The following NELL1 variants were observed in gnomAD, a reference collection of about 807,000 sequenced individuals.
NELL1 encodes protein kinase C-binding protein NELL1.
In NELL1, 76 loss-of-function variants were observed where a neutral mutation model predicts 107.4. The ratio of observed to expected loss-of-function variants is 0.71; its 90% CI spans 0.59 to 0.86. NELL1 has a LOEUF of 0.86. Ranked by LOEUF, NELL1 falls within the 40% of genes least tolerant of loss-of-function variation. The pLI, the probability that NELL1 is intolerant of heterozygous loss-of-function variation, is 0.00. For missense variants in NELL1, 1,024 were observed against 1,005.5 expected, an observed-to-expected ratio of 1.02 and a Z score of -0.25; for synonymous variants, 353 against 341.2, an observed-to-expected ratio of 1.03 and a Z score of -0.38.
chr11:21,489,898 A>T (rs940675737), intron 15 of NELL1, among the ~76,000 whole-genome samples: 1 of 152,166 alleles, frequency 6.6e-6, no homozygotes, highest in Non-Finnish European at 1.5e-5. Flanking sequence ...CAAGACAAAG[A>T]TGCCCACTTA....
chr11:21,164,974 C>T (rs77327109), intron 13 of NELL1, among the ~76,000 whole-genome samples: 1,733 of 152,272 alleles, frequency 0.011, 26 homozygotes, highest in African/African-American at 0.038. Flanking sequence ...CATTCCTTCT[C>T]ATAGAGACTT....
chr11:20,689,084 GTGTT>G (rs1854383279), intron 2 of NELL1, among the ~76,000 whole-genome samples: 5 of 151,952 alleles, frequency 3.3e-5, no homozygotes, highest in South Asian at 4.2e-4. Context: ...CTTTTGAAAA[GTGTT>G]TGTTCATGTC....
chr11:21,515,403 T>C (rs1183435657), intron 15 of NELL1, among the ~76,000 whole-genome samples: 2 of 152,158 alleles, frequency 1.3e-5, no homozygotes, highest in African/African-American at 4.8e-5. Context: ...CACTGCAACA[T>C]GTTTAACTAA....
At chr11:21,149,053 T>C (rs1254191394) in intron 13 of NELL1, among the ~76,000 whole-genome samples, 1 of 152,192 alleles carries the variant, frequency 6.6e-6, no homozygotes, top group Non-Finnish European at 1.5e-5. Flanking sequence ...TTTGTTGCAG[T>C]TCTGGTCTTT....
intron 4 of NELL1, among the ~76,000 whole-genome samples, chr11:20,859,120 C>A (rs548357288): frequency 1.3e-5 from 2 of 152,246 alleles, no homozygotes; most frequent in East Asian, 3.9e-4. Flanking sequence ...CTGAAGTGAC[C>A]AAAGTCTCAA....
chr11:21,453,811 T>A (rs954858542), intron 15 of NELL1, among the ~76,000 whole-genome samples: 2 of 150,626 alleles, frequency 1.3e-5, no homozygotes, highest in African/African-American at 4.9e-5. Context: ...TCTTTCCCTT[T>A]TTTTTTTTTT....
chr11:21,534,348 T>C, intron 15 of NELL1, 26 bp from the exon 16 acceptor site: 4 of 1,613,394 alleles, frequency 2.5e-6, no homozygotes, highest in Non-Finnish European at 3.4e-6. Flanking sequence ...AATATCCTGG[T>C]GGGCTTGTGT....
At chr11:20,891,387 G>A (rs1849614086) in intron 5 of NELL1, among the ~76,000 whole-genome samples, 2 of 152,166 alleles carry the variant, frequency 1.3e-5, no homozygotes, top group African/African-American at 2.4e-5. Context: ...AGGAAAAACT[G>A]GTACCAGCCA....
chr11:21,367,502 C>T (rs928363215), intron 14 of NELL1, among the ~76,000 whole-genome samples: 13 of 152,014 alleles, frequency 8.6e-5, no homozygotes, highest in Admixed American at 7.9e-4. Flanking sequence ...GAATAAGCTC[C>T]GTGGCACAGG....
At chr11:21,034,418 T>C (rs1261707687) in intron 12 of NELL1, among the ~76,000 whole-genome samples, 1 of 152,296 alleles carries the variant, frequency 6.6e-6, no homozygotes, top group African/African-American at 2.4e-5. Flanking sequence ...ACCACAGAAC[T>C]CTCTACCCAA....
intron 13 of NELL1, among the ~76,000 whole-genome samples, chr11:21,167,540 T>C (rs11025954): frequency 0.43 from 65,821 of 151,564 alleles, 14,807 homozygotes; most frequent in East Asian, 0.61. Flanking sequence ...TTACTTTAGA[T>C]ACTGCAGTTC....
chr11:20,975,548 A>C (rs1043122658), intron 12 of NELL1, among the ~76,000 whole-genome samples: 2 of 143,816 alleles, frequency 1.4e-5, no homozygotes, highest in African/African-American at 2.5e-5. Flanking sequence ...TGTATTATAT[A>C]TACATATATG....
rs531532245 is a variant in NELL1 at position 20,759,793 on chromosome 11, C to T, written c.185-23887C>T. Among the ~76,000 whole-genome samples, 4 of 152,288 alleles carry T rather than the reference C, an allele frequency of 2.6e-5. No homozygotes were observed. In the South Asian group the frequency reaches 8.3e-4, roughly 32 times the overall value. ...ATACTGTTGGAGACAGAGGTGTCCTCCCCACTTTGACCAGAATCCAGCCCT... is the reference window on the plus strand; with the variant it reads ...ATACTGTTGGAGACAGAGGTGTCCTTCCCACTTTGACCAGAATCCAGCCCT... On this transcript the variant is annotated intron_variant, in intron 2 of 19. Coordinates refer to ENST00000357134, the MANE Select transcript of NELL1 (RefSeq NM_006157.5).
At chr11:21,373,635 G>T (rs1289071911) in intron 15 of NELL1, among the ~76,000 whole-genome samples, 1 of 152,032 alleles carries the variant, frequency 6.6e-6, no homozygotes, top group Non-Finnish European at 1.5e-5. Flanking sequence ...GAAAATTCCT[G>T]TCTGATGTTA....
intron 14 of NELL1, among the ~76,000 whole-genome samples, chr11:21,280,295 T>C (rs1590800092): frequency 6.6e-6 from 1 of 152,218 alleles, no homozygotes; most frequent in African/African-American, 2.4e-5. Context: ...TAGAAGGCTG[T>C]ACCAATCGTT....
intron 3 of NELL1, among the ~76,000 whole-genome samples, chr11:20,832,763 G>C (rs1460855480): frequency 2.0e-5 from 3 of 152,274 alleles, no homozygotes; most frequent in Non-Finnish European, 4.4e-5. Context: ...TAGCATGCTA[G>C]TTATGATAAG....
At chr11:21,109,123 G>A (rs543729391) in intron 12 of NELL1, among the ~76,000 whole-genome samples, 1 of 152,016 alleles carries the variant, frequency 6.6e-6, no homozygotes, top group Non-Finnish European at 1.5e-5. Context: ...CAGTTTCGTG[G>A]CATGGAGATA....
intron 2 of NELL1, among the ~76,000 whole-genome samples, chr11:20,763,706 G>A (rs1856471450): frequency 6.6e-6 from 1 of 152,222 alleles, no homozygotes; most frequent in Admixed American, 6.5e-5. Context: ...GCCACAGCGA[G>A]GGCTGAGGGA....
At chr11:20,693,238 C>G (rs1248258874) in intron 2 of NELL1, among the ~76,000 whole-genome samples, 1 of 152,076 alleles carries the variant, frequency 6.6e-6, no homozygotes, top group African/African-American at 2.4e-5. Flanking sequence ...GACTCTTTAT[C>G]CAACTTGCCA....
Sources: gnomAD v4.1 joint callset for allele counts (sites outside exome capture counted in the v4.1 genomes callset) on GRCh38, gnomAD v4.1.1 for gene constraint, MANE v1.5 for transcripts, NCBI Gene and HGNC (gene_info 2026-07-23, HGNC 2026-07-21) for gene names.